GPLD1: variants seen among roughly 807,000 people sequenced by gnomAD.
GPLD1 encodes the protein phosphatidylinositol-glycan-specific phospholipase D.
Under a neutral mutation model 112.6 loss-of-function variants are expected in GPLD1, and 84 were observed. The observed-to-expected ratio is 0.75, with a 90% CI of 0.63 to 0.89. The LOEUF (loss-of-function observed/expected upper bound fraction) is 0.89. Among genes scored for constraint, GPLD1 ranks in the 40% least tolerant of loss-of-function variants. GPLD1 has a pLI of 0.00. For synonymous variants in GPLD1, 386 were observed against 403.8 expected (o/e 0.96, Z 0.53); for missense variants, 1,044 against 1,051.5 (o/e 0.99, Z 0.10).
intron 20 of GPLD1, among the ~76,000 whole-genome samples, chr6:24,440,149 T>C (rs1762699892): frequency 6.6e-6 from 1 of 152,182 alleles, no homozygotes; most frequent in Non-Finnish European, 1.5e-5. Flanking sequence ...TGGTTCATAT[T>C]TGTGTCTCAG....
chr6:24,435,836 A>AAAAAATAAAAAAAAAATAAAAAAT (rs1762559518), intron 22 of GPLD1: 1 of 146,528 alleles, frequency 6.8e-6, no homozygotes, highest in Non-Finnish European at 1.5e-5. Context: ...AAAAAAAAAA[A>AAAAAATAAAAAAAAAATAAAAAAT]AAAAAAAAAA....
chr6:24,474,173 A>ACC (rs1491537098), intron 5 of GPLD1, among the ~76,000 whole-genome samples: 6 of 58,954 alleles, frequency 1.0e-4, no homozygotes, highest in African/African-American at 2.5e-4. Context: ...CCACACCCAC[A>ACC]TACACACACA....
At chr6:24,443,392 G>C (rs1264809307) in intron 20 of GPLD1, among the ~76,000 whole-genome samples, 1 of 151,624 alleles carries the variant, frequency 6.6e-6, no homozygotes, top group Non-Finnish European at 1.5e-5. Flanking sequence ...CTTCAGATGT[G>C]CCTAATCACA....
intron 20 of GPLD1, among the ~76,000 whole-genome samples, chr6:24,442,422 A>ATTTTTTTTTTTTT (rs71002496): frequency 1.6e-5 from 1 of 60,638 alleles, no homozygotes; most frequent in Non-Finnish European, 2.9e-5. Context: ...CATCTGGCTA[A>ATTTTTTTTTTTTT]TTTTTTTTTT....
chr6:24,453,088 G>A (rs983316814), intron 14 of GPLD1, among the ~76,000 whole-genome samples: 15 of 152,022 alleles, frequency 9.9e-5, no homozygotes, highest in African/African-American at 2.2e-4. Context: ...TAGCGCTCTC[G>A]GGAGGAATTA....
chr6:24,471,418 A>T (rs1467878672), intron 7 of GPLD1, among the ~76,000 whole-genome samples: 3 of 152,084 alleles, frequency 2.0e-5, no homozygotes. Flanking sequence ...ACCCAAGATC[A>T]CACACCACTG....
chr6:24,437,051 G>C, intron 21 of GPLD1, 62 bp downstream of exon 21: 1 of 1,467,636 alleles, frequency 6.8e-7, no homozygotes, highest in Non-Finnish European at 9.5e-7. Flanking sequence ...GACCCAATTA[G>C]GGGACCCACC....
intron 24 of GPLD1, among the ~76,000 whole-genome samples, chr6:24,430,948 T>C (rs1386610347): frequency 6.6e-6 from 1 of 152,214 alleles, no homozygotes; most frequent in Non-Finnish European, 1.5e-5. Flanking sequence ...TATATACCAC[T>C]ACTCTCAACT....
chr6:24,453,988 A>T (rs767989191), intron 14 of GPLD1, 27 bp downstream of exon 14: 1 of 1,490,092 alleles, frequency 6.7e-7, no homozygotes, highest in Non-Finnish European at 9.3e-7. Context: ...TAACCACTAG[A>T]AGAGAAAGGA....
At chr6:24,467,089 A>C (rs978662413) in intron 8 of GPLD1, 78 bp downstream of exon 8, 4 of 1,132,654 alleles carry the variant, frequency 3.5e-6, no homozygotes, top group Non-Finnish European at 5.4e-6. Context: ...ATCCAGTCTC[A>C]GGAAACAAAA....
chr6:24,469,125 A>C (rs1763713915), intron 7 of GPLD1, among the ~76,000 whole-genome samples: 2 of 152,288 alleles, frequency 1.3e-5, no homozygotes, highest in Admixed American at 6.5e-5. Flanking sequence ...AAGTCAGGAA[A>C]CAACAGGTGC....
chr6:24,487,672 CATTTT>C (rs1296076823), intron 1 of GPLD1, among the ~76,000 whole-genome samples: 1 of 152,192 alleles, frequency 6.6e-6, no homozygotes. Flanking sequence ...TCAACCCCCT[CATTTT>C]ATAGAATTGA....
intron 7 of GPLD1, among the ~76,000 whole-genome samples, chr6:24,469,951 A>G (rs563197571): frequency 6.6e-5 from 10 of 152,260 alleles, no homozygotes; most frequent in African/African-American, 2.4e-4. Flanking sequence ...GTCAGACAAA[A>G]TAACAAAAAA....
intron 20 of GPLD1, among the ~76,000 whole-genome samples, chr6:24,441,306 CAA>C (rs34247619): frequency 0.25 from 32,121 of 127,142 alleles, 3,632 homozygotes; most frequent in Non-Finnish European, 0.28. Context: ...GACTCTATCT[CAA>C]AAAAAAAAAA....
chr6:24,456,443 T>C, intron 13 of GPLD1, 55 bp downstream of exon 13: 1 of 1,125,072 alleles, frequency 8.9e-7, no homozygotes. Context: ...GCAGAATGAT[T>C]GAATAAAATT....
chr6:24,447,018 G>A (rs751836365), intron 17 of GPLD1, 39 bp from the exon 18 acceptor site: 8 of 1,578,294 alleles, frequency 5.1e-6, no homozygotes, highest in Non-Finnish European at 6.9e-6. Context: ...AATACTTTAA[G>A]TGAGAGGACT....
At chr6:24,468,661 C>T (rs1184407765) in intron 7 of GPLD1, among the ~76,000 whole-genome samples, 1 of 151,984 alleles carries the variant, frequency 6.6e-6, no homozygotes, top group African/African-American at 2.4e-5. Context: ...TCAAGCAATT[C>T]TCCTGCCTCA....
intron 24 of GPLD1, among the ~76,000 whole-genome samples, chr6:24,430,540 C>T (rs1762369427): frequency 6.6e-6 from 1 of 152,192 alleles, no homozygotes; most frequent in Non-Finnish European, 1.5e-5. Flanking sequence ...TGCTGAGGCT[C>T]CTGAGCTGAT....
chr6:24,440,359 G>A (rs1435408638), intron 20 of GPLD1, among the ~76,000 whole-genome samples: 1 of 152,028 alleles, frequency 6.6e-6, no homozygotes, highest in Non-Finnish European at 1.5e-5. Context: ...CGGCAGGATC[G>A]CTTGACCTCA....
Sources: allele counts gnomAD v4.1 joint callset (sites outside exome capture counted in the v4.1 genomes callset), GRCh38; gene constraint gnomAD v4.1.1; transcripts MANE v1.5; gene names NCBI Gene and HGNC (gene_info 2026-07-23, HGNC 2026-07-21).